The following SLC5A4 variants were observed in gnomAD, a reference collection of about 807,000 sequenced individuals.
SLC5A4 encodes the protein probable glucose sensor protein SLC5A4.
Under a neutral mutation model 70.3 loss-of-function variants are expected in SLC5A4, and 55 were observed. The ratio of observed to expected loss-of-function variants is 0.78; its 90% confidence interval spans 0.63 to 0.98. The LOEUF is 0.98. Ranked by LOEUF, SLC5A4 falls within the 50% of genes least tolerant of loss-of-function variation. The pLI is 0.00. For missense variants in SLC5A4, 735 were observed against 839.2 expected, an observed-to-expected ratio of 0.88 and a Z score of 1.53; for synonymous variants, 268 against 305.7, an observed-to-expected ratio of 0.88 and a Z score of 1.29.
At chr22:32,306,079 T>C in the SLC5A4 span, among the ~76,000 whole-genome samples, 1 of 152,254 alleles carries the variant, frequency 6.6e-6, no homozygotes, top group Middle Eastern at 3.4e-3. Context: ...CAGGTTCCCT[T>C]GAGCTCATTT....
chr22:32,290,458 A>T, the SLC5A4 span, among the ~76,000 whole-genome samples: 2 of 152,144 alleles, frequency 1.3e-5, no homozygotes, highest in Non-Finnish European at 2.9e-5. Context: ...TGATTTTATT[A>T]CTACAGGACT....
intron 14 of SLC5A4, among the ~76,000 whole-genome samples, chr22:32,219,553 GAAAAGAGAAAGAAAAATC>G (rs1924931491): frequency 9.8e-6 from 1 of 101,982 alleles, no homozygotes; most frequent in South Asian, 3.2e-4. Flanking sequence ...TATTTATGTA[GAAAAGAGAAAGAAAAATC>G]AAAAGAAAAG....
At chr22:32,319,929 A>G in the SLC5A4 span, among the ~76,000 whole-genome samples, 1 of 152,138 alleles carries the variant, frequency 6.6e-6, no homozygotes, top group Non-Finnish European at 1.5e-5. Flanking sequence ...ATTAAGATGA[A>G]CTGAACAAAC....
the SLC5A4 span, among the ~76,000 whole-genome samples, chr22:32,315,181 G>A: frequency 1.3e-5 from 2 of 152,194 alleles, no homozygotes; most frequent in Non-Finnish European, 2.9e-5. Flanking sequence ...TGTAAATGGA[G>A]CACTGCCAAG....
Position 32,232,929 on chromosome 22 carries a change from GCATCAC to G in SLC5A4, c.985_990del (p.Val329_Met330del). 6.2e-7 allele frequency: 1 copy of G among 1,614,088 alleles called. No homozygotes were observed. The highest frequency in any genetic ancestry group is 8.5e-7 in the Non-Finnish European group (1 of 1,179,990). ...TACAGGATGCGGCTGATCATCCCCG[GCATCAC>G]CATGAGGAACATGGGCAGCAGCTTC... On this transcript the variant is annotated inframe_deletion, in exon 9 of 15. Transcript: ENST00000266086.
At chr22:32,308,073 T>C in the SLC5A4 span, among the ~76,000 whole-genome samples, 4 of 152,116 alleles carry the variant, frequency 2.6e-5, no homozygotes, top group East Asian at 1.9e-4. Flanking sequence ...TCCTTCCTTC[T>C]TACCTACCTA....
At chr22:32,339,509 G>A in the SLC5A4 span, among the ~76,000 whole-genome samples, 1 of 152,108 alleles carries the variant, frequency 6.6e-6, no homozygotes, top group Non-Finnish European at 1.5e-5. Context: ...AGTACAGCTA[G>A]GAGGTGTTCG....
chr22:32,251,724 T>C (rs1407217880), intron 3 of SLC5A4, 46 bp downstream of exon 3: 2 of 1,119,222 alleles, frequency 1.8e-6, no homozygotes, highest in African/African-American at 3.1e-5. Flanking sequence ...ACTAAGACAC[T>C]GGATATGGTT....
the SLC5A4 span, among the ~76,000 whole-genome samples, chr22:32,282,162 C>T: frequency 6.6e-6 from 1 of 152,112 alleles, no homozygotes; most frequent in Non-Finnish European, 1.5e-5. Flanking sequence ...TTTCTTTCCC[C>T]CTCTGGATAG....
chr22:32,347,686 C>T, the SLC5A4 span, among the ~76,000 whole-genome samples: 1 of 121,672 alleles, frequency 8.2e-6, no homozygotes, highest in Admixed American at 1.1e-4. Flanking sequence ...AGGGGAACAT[C>T]ACACACTGGG....
the SLC5A4 span, among the ~76,000 whole-genome samples, chr22:32,330,260 GGT>G: frequency 3.4e-3 from 310 of 91,684 alleles, 4 homozygotes; most frequent in Middle Eastern, 6.3e-3. Flanking sequence ...GGGGGGCTCT[GGT>G]GTGTGTGTTG....
At chr22:32,260,859 A>C in the SLC5A4 span, among the ~76,000 whole-genome samples, 1 of 152,126 alleles carries the variant, frequency 6.6e-6, no homozygotes, top group East Asian at 1.9e-4. Context: ...GATAATCTGA[A>C]GTCAGGAGTT....
At chr22:32,330,868 AGGGTCTGCTGTGTAGGAGTGTTGGG>A in the SLC5A4 span, among the ~76,000 whole-genome samples, 1 of 58,316 alleles carries the variant, frequency 1.7e-5, no homozygotes, top group South Asian at 6.5e-4. Context: ...TAGGTGTTGG[AGGGTCTGCTGTGTAGGAGTGTTGGG>A]GGCTCTCCTG....
In SLC5A4 at chr22:32,218,569, A is replaced by ATGTTC. The variant is rs761951440; in HGVS notation, c.1920_1924dup (p.Ile642ArgfsTer27). 1 of 1,613,910 alleles carries ATGTTC rather than the reference A, an allele frequency of 6.2e-7. No individual in the cohort carries two copies. Among genetic ancestry groups the ATGTTC allele is most frequent in the African/African-American group, 1.3e-5 (1 of 74,904 alleles). ...CACAGCCAGGAGGAGGATGGCGTTGATGTTCACTATTGTCCTCCACGAGGG... is the reference window on the plus strand; with the variant it reads ...CACAGCCAGGAGGAGGATGGCGTTGATGTTCTGTTCACTATTGTCCTCCACGAGGG... On this transcript the variant is annotated frameshift_variant, in exon 15 of 15. Coordinates refer to ENST00000266086, the MANE Select transcript of SLC5A4 (RefSeq NM_014227.3). LOFTEE classifies it low-confidence loss of function (END_TRUNC).
At chr22:32,339,181 G>A in the SLC5A4 span, among the ~76,000 whole-genome samples, 19 of 152,324 alleles carry the variant, frequency 1.2e-4, no homozygotes, top group Middle Eastern at 3.4e-3. Flanking sequence ...GGAGAAAAAC[G>A]CAAAGCAGTC....
At chr22:32,298,410 G>A in the SLC5A4 span, among the ~76,000 whole-genome samples, 41,025 of 118,252 alleles carry the variant, frequency 0.35, 3,069 homozygotes, top group Non-Finnish European at 0.36. Context: ...ATTATGTAAT[G>A]GCCTTCTTTG....
At chr22:32,337,221 T>A in the SLC5A4 span, among the ~76,000 whole-genome samples, 5 of 152,164 alleles carry the variant, frequency 3.3e-5, no homozygotes, top group South Asian at 4.1e-4. Flanking sequence ...TCTGTGGGTG[T>A]CCCTGGAAAC....
At chr22:32,236,951 G>A (rs934555156) in intron 7 of SLC5A4, among the ~76,000 whole-genome samples, 7 of 151,990 alleles carry the variant, frequency 4.6e-5, no homozygotes, top group Non-Finnish European at 1.0e-4. Flanking sequence ...TGATCCACCC[G>A]CCTCGGCCTC....
the SLC5A4 span, among the ~76,000 whole-genome samples, chr22:32,322,176 A>T: frequency 0.12 from 17,685 of 152,224 alleles, 1,395 homozygotes; most frequent in Non-Finnish European, 0.18. Flanking sequence ...GGCTGACTCG[A>T]CCATGAGGCT....
Sources: allele counts gnomAD v4.1 joint callset (sites outside exome capture counted in the v4.1 genomes callset), GRCh38; gene constraint gnomAD v4.1.1; transcripts MANE v1.5; gene names NCBI Gene and HGNC (gene_info 2026-07-23, HGNC 2026-07-21).